Variants in RARB observed in about 807,000 individuals in gnomAD.
RARB encodes retinoic acid receptor beta, also known as HBV-activated protein.
A neutral mutation model predicts 51.9 loss-of-function variants in RARB; 17 were observed. The ratio of observed to expected loss-of-function variants is 0.33; its 90% CI spans 0.22 to 0.49. RARB has a LOEUF of 0.49. RARB is among the 20% of genes least tolerant of loss of function. The probability of loss-of-function intolerance (pLI) is 0.99; values close to 1 mark genes in which losing one functional copy is unlikely to be tolerated. For synonymous variants in RARB, 215 were observed against 195.4 expected (o/e 1.10, Z -0.84); for missense variants, 369 against 550.8 (o/e 0.67, Z 3.30).
At chr3:25,263,090 T>C (rs2125407685) in intron 5 of RARB, among the ~76,000 whole-genome samples, 1 of 152,300 alleles carries the variant, frequency 6.6e-6, no homozygotes, top group African/African-American at 2.4e-5. Context: ...CTGTGCCCAG[T>C]AATTTGAGTT....
intron 2 of RARB, among the ~76,000 whole-genome samples, chr3:24,979,212 G>T (rs1056287833): frequency 5.9e-5 from 9 of 152,298 alleles, no homozygotes; most frequent in African/African-American, 9.6e-5. Flanking sequence ...GTGGTGCTGA[G>T]AAGAATGTAT....
At chr3:25,177,727 C>A (rs1431087243) in intron 5 of RARB, among the ~76,000 whole-genome samples, 1 of 152,166 alleles carries the variant, frequency 6.6e-6, no homozygotes, top group Non-Finnish European at 1.5e-5. Flanking sequence ...AACCTGAGCT[C>A]TGCATATTGA....
intron 5 of RARB, among the ~76,000 whole-genome samples, chr3:25,185,498 G>A (rs910107743): frequency 6.6e-6 from 1 of 151,990 alleles, no homozygotes; most frequent in Non-Finnish European, 1.5e-5. Flanking sequence ...TTGTGAAATT[G>A]GCCAACCAAA....
At chr3:24,866,257 C>G (rs923450738) in intron 2 of RARB, among the ~76,000 whole-genome samples, 4 of 152,216 alleles carry the variant, frequency 2.6e-5, no homozygotes, top group Middle Eastern at 3.4e-3. Context: ...CTCATCCCCC[C>G]ACGCTTTTGC....
chr3:25,569,857 A>G lies in RARB; in HGVS notation c.548A>G (p.Lys183Arg). Reference protein sequence around the residue: ...MTAELDDLTEKIRKAHQETFP... With the variant: ...MTAELDDLTERIRKAHQETFP... ...GCTGAGTTGGACGATCTCACAGAGA[A>G]GATCCGAAAAGCTCACCAGGAAACT... Residue 183 changes from lysine to arginine, a missense_variant, in exon 4 of 8, where the codon AAG becomes AGG. Lys to Arg is a conservative substitution (Grantham distance 26). This residue lies in a region of RARB where 46 missense variants were observed against 43.2 expected (regional missense o/e 1.07). Transcript: ENST00000330688. The G allele has an allele frequency of 6.2e-7, 1 of 1,614,230 alleles. No individual in the cohort carries two copies. Among genetic ancestry groups the G allele is most frequent in the South Asian group, 1.1e-5 (1 of 91,090 alleles).
intron 3 of RARB, among the ~76,000 whole-genome samples, chr3:25,516,534 T>A (rs1421430856): frequency 7.2e-5 from 11 of 152,146 alleles, no homozygotes; most frequent in Admixed American, 6.5e-4. Flanking sequence ...AACAAAAAGT[T>A]TTGGCTGGTA....
At chr3:25,013,539 C>T (rs183459665) in intron 2 of RARB, among the ~76,000 whole-genome samples, 1 of 152,178 alleles carries the variant, frequency 6.6e-6, no homozygotes. Context: ...GTACTGCTTC[C>T]TGGGCTCTGA....
At chr3:25,342,273 T>C (rs1471531411) in intron 5 of RARB, among the ~76,000 whole-genome samples, 2 of 152,230 alleles carry the variant, frequency 1.3e-5, no homozygotes, top group Non-Finnish European at 2.9e-5. Context: ...ATAAACTCTA[T>C]GTATAACATT....
chr3:25,197,906 A>G (rs776365963), intron 5 of RARB, among the ~76,000 whole-genome samples: 1 of 152,032 alleles, frequency 6.6e-6, no homozygotes, highest in African/African-American at 2.4e-5. Context: ...TACCAATGAC[A>G]TTCTTCACAG....
chr3:25,272,943 C>T (rs1703288032), intron 5 of RARB, among the ~76,000 whole-genome samples: 1 of 152,200 alleles, frequency 6.6e-6, no homozygotes, highest in Admixed American at 6.5e-5. Flanking sequence ...TTGAAATACC[C>T]ATTCCTATCT....
chr3:24,958,849 A>G (rs1057281243), intron 2 of RARB, among the ~76,000 whole-genome samples: 2 of 152,194 alleles, frequency 1.3e-5, no homozygotes, highest in African/African-American at 2.4e-5. Context: ...ATTTTAGTCA[A>G]ACACGTGAAA....
intron 4 of RARB, among the ~76,000 whole-genome samples, chr3:25,574,801 C>T (rs1377470654): frequency 1.3e-5 from 2 of 152,030 alleles, no homozygotes; most frequent in Admixed American, 6.6e-5. Context: ...TGGGTGGACT[C>T]GGTGCGCTTT....
chr3:25,298,129 G>A (rs1703959651), intron 5 of RARB, among the ~76,000 whole-genome samples: 1 of 151,864 alleles, frequency 6.6e-6, no homozygotes, highest in South Asian at 2.1e-4. Context: ...CTTACAAAAG[G>A]ACTACTTTGA....
At chr3:25,468,118 A>G (rs773137442) in intron 2 of RARB, among the ~76,000 whole-genome samples, 1 of 152,148 alleles carries the variant, frequency 6.6e-6, no homozygotes, top group Non-Finnish European at 1.5e-5. Context: ...GAGCATTTCT[A>G]CTTCTTCTGG....
At chr3:24,924,517 T>C (rs1695277313) in intron 2 of RARB, among the ~76,000 whole-genome samples, 1 of 152,150 alleles carries the variant, frequency 6.6e-6, no homozygotes, top group Admixed American at 6.6e-5. Flanking sequence ...AAATTTTCAT[T>C]TAATGTTTTC....
At chr3:25,523,663 A>G (rs1441218602) in intron 3 of RARB, among the ~76,000 whole-genome samples, 1 of 152,174 alleles carries the variant, frequency 6.6e-6, no homozygotes, top group Non-Finnish European at 1.5e-5. Flanking sequence ...TACCCCACAT[A>G]CTTTATGTGG....
intron 2 of RARB, among the ~76,000 whole-genome samples, chr3:24,874,168 A>T (rs1703000076): frequency 6.6e-6 from 1 of 152,064 alleles, no homozygotes; most frequent in Non-Finnish European, 1.5e-5. Flanking sequence ...TACCCCTTGG[A>T]TATAAAGGGA....
At chr3:25,409,507 C>T (rs538833320) in intron 5 of RARB, among the ~76,000 whole-genome samples, 4 of 152,212 alleles carry the variant, frequency 2.6e-5, no homozygotes, top group East Asian at 3.9e-4. Flanking sequence ...GAACCTTCTC[C>T]GGTCACCTTG....
Position 25,544,947 on chromosome 3 carries a change from TTTGTTGTTG to T in RARB, c.449-24793_449-24785del, listed in dbSNP as rs10674681. ...GGATTTTATTCTGTTGTCTGTACATTTTGTTGTTGTTGTTGTTGTTGTTGTTTTTCTTGA... is the reference window on the plus strand; with the variant it reads ...GGATTTTATTCTGTTGTCTGTACATTTTGTTGTTGTTGTTGTTTTTCTTGA... On this transcript the variant is annotated intron_variant, in intron 3 of 7. Transcript: ENST00000330688. 7.4e-3 allele frequency among the ~76,000 whole-genome samples: 1,128 copies of T among 151,824 alleles called. 9 individuals carry two copies. Among genetic ancestry groups the T allele is most frequent in the African/African-American group, 0.026 (1,054 of 41,332 alleles).
Sources: allele counts gnomAD v4.1 joint callset (sites outside exome capture counted in the v4.1 genomes callset), GRCh38; gene constraint gnomAD v4.1.1; regional missense constraint gnomAD v4.1.1; transcripts MANE v1.5; gene names NCBI Gene and HGNC (gene_info 2026-07-23, HGNC 2026-07-21).